The following CLVS1 variants were observed in gnomAD, a reference collection of about 807,000 sequenced individuals.
CLVS1 encodes clavesin-1.
A neutral mutation model predicts 33.1 loss-of-function variants in CLVS1; 10 were observed. The observed-to-expected ratio is 0.30, with a 90% CI of 0.19 to 0.51. CLVS1 has a LOEUF of 0.51. CLVS1 is among the 20% of genes least tolerant of loss of function. The probability of loss-of-function intolerance (pLI) is 0.97; values close to 1 mark genes in which losing one functional copy is unlikely to be tolerated. For synonymous variants in CLVS1, 163 were observed against 166.1 expected, an observed-to-expected ratio of 0.98 and a Z score of 0.14; for missense variants, 343 against 433.4, an observed-to-expected ratio of 0.79 and a Z score of 1.85.
chr8:61,493,390 T>G (rs982643771), intron 5 of CLVS1, among the ~76,000 whole-genome samples: 6 of 152,196 alleles, frequency 3.9e-5, no homozygotes, highest in Non-Finnish European at 8.8e-5. Flanking sequence ...AGAAGAATAA[T>G]AAGAGCTAAA....
At chr8:61,376,811 T>C (rs202049599) in intron 3 of CLVS1, 32 bp downstream of exon 3, 2 of 1,546,828 alleles carry the variant, frequency 1.3e-6, no homozygotes, top group Non-Finnish European at 1.8e-6. Context: ...TACAAGACCA[T>C]GTGTGGCAAC....
chr8:61,377,121 G>A (rs1241045684), intron 3 of CLVS1: 3 of 186,062 alleles, frequency 1.6e-5, no homozygotes, highest in Non-Finnish European at 3.3e-5. Context: ...TACAGGGGTG[G>A]CATGGGGCTT....
chr8:60,993,708 G>T, the CLVS1 span, among the ~76,000 whole-genome samples: 1 of 152,286 alleles, frequency 6.6e-6, no homozygotes, highest in East Asian at 1.9e-4. Context: ...ATTGCACAGC[G>T]GCTAGCACCG....
At chr8:61,184,459 C>A (rs912613366) in intron 2 of CLVS1, among the ~76,000 whole-genome samples, 6 of 152,194 alleles carry the variant, frequency 3.9e-5, no homozygotes, top group Non-Finnish European at 7.3e-5. Flanking sequence ...CACAGTAGAT[C>A]CTCTGAAATG....
At chr8:61,282,159 AAAT>A (rs1809682868) in intron 2 of CLVS1, among the ~76,000 whole-genome samples, 1 of 152,232 alleles carries the variant, frequency 6.6e-6, no homozygotes, top group South Asian at 2.1e-4. Context: ...GATAATGACT[AAAT>A]AAACCAAACA....
intron 5 of CLVS1, among the ~76,000 whole-genome samples, chr8:61,480,347 T>G (rs1469748191): frequency 6.6e-6 from 1 of 152,212 alleles, no homozygotes; most frequent in Non-Finnish European, 1.5e-5. Flanking sequence ...GTGCTAGCAA[T>G]GAGCAAGGCT....
chr8:61,112,808 T>A (rs17830578), intron 1 of CLVS1, among the ~76,000 whole-genome samples: 2 of 152,002 alleles, frequency 1.3e-5, no homozygotes, highest in African/African-American at 4.8e-5. Flanking sequence ...CCTTTTTTTT[T>A]AGTCTGTAAA....
At chr8:61,192,777 C>A (rs1224404300) in intron 2 of CLVS1, among the ~76,000 whole-genome samples, 3 of 152,176 alleles carry the variant, frequency 2.0e-5, no homozygotes, top group Non-Finnish European at 4.4e-5. Context: ...AAATGCTCAT[C>A]ATCACTGGCC....
chr8:61,073,406 G>T (rs551364251), intron 1 of CLVS1, among the ~76,000 whole-genome samples: 1 of 152,182 alleles, frequency 6.6e-6, no homozygotes, highest in East Asian at 1.9e-4. Flanking sequence ...CATTTTAAAC[G>T]CATGGAGATA....
At chr8:61,028,151 G>A in the CLVS1 span, among the ~76,000 whole-genome samples, 5 of 152,202 alleles carry the variant, frequency 3.3e-5, no homozygotes, top group African/African-American at 9.7e-5. Context: ...CTGAGGTATT[G>A]ATTAGACAAA....
chr8:61,340,029 AGAAAGAAAAAAGGAAG>A (rs1284373670), intron 2 of CLVS1, among the ~76,000 whole-genome samples: 6 of 151,706 alleles, frequency 4.0e-5, no homozygotes, highest in Non-Finnish European at 8.8e-5. Flanking sequence ...AGAAAGGAAA[AGAAAGAAAAAAGGAAG>A]GAAAGAAAAA....
chr8:61,375,616 G>T (rs1813612301), intron 2 of CLVS1, among the ~76,000 whole-genome samples: 1 of 152,072 alleles, frequency 6.6e-6, no homozygotes, highest in Non-Finnish European at 1.5e-5. Flanking sequence ...AACCAGATTG[G>T]AATGCTCAAG....
chr8:60,972,370 T>C, the CLVS1 span, among the ~76,000 whole-genome samples: 1 of 152,180 alleles, frequency 6.6e-6, no homozygotes, highest in African/African-American at 2.4e-5. Context: ...TAGTGCATAG[T>C]TTAAGTAATA....
intron 2 of CLVS1, among the ~76,000 whole-genome samples, chr8:61,308,813 G>C (rs753980954): frequency 6.6e-6 from 1 of 152,142 alleles, no homozygotes; most frequent in African/African-American, 2.4e-5. Context: ...TTGTACATGG[G>C]TACTATGTAA....
intron 1 of CLVS1, among the ~76,000 whole-genome samples, chr8:61,110,120 C>G (rs1225285809): frequency 6.6e-6 from 1 of 152,172 alleles, no homozygotes; most frequent in Admixed American, 6.5e-5. Flanking sequence ...CTATTGAGGC[C>G]TTGGCTGAAT....
At chr8:61,238,724 C>A (rs1278202530) in intron 2 of CLVS1, among the ~76,000 whole-genome samples, 2 of 152,114 alleles carry the variant, frequency 1.3e-5, no homozygotes, top group Non-Finnish European at 2.9e-5. Flanking sequence ...TTACTGTGTG[C>A]AATTTTTCGT....
intron 3 of CLVS1, among the ~76,000 whole-genome samples, chr8:61,429,169 C>T (rs987714586): frequency 6.6e-6 from 1 of 152,054 alleles, no homozygotes; most frequent in African/African-American, 2.4e-5. Flanking sequence ...TGCCTGTAAT[C>T]CCAGCACTTT....
intron 2 of CLVS1, among the ~76,000 whole-genome samples, chr8:61,255,970 A>G (rs1585726654): frequency 2.0e-5 from 3 of 152,300 alleles, no homozygotes; most frequent in Middle Eastern, 6.8e-3. Context: ...TATATATAAC[A>G]TAAGATTTAC....
chr8:61,465,927 T>A (rs993384446), intron 5 of CLVS1: 3 of 152,258 alleles, frequency 2.0e-5, no homozygotes, highest in African/African-American at 4.8e-5. Flanking sequence ...TCTCCCAAAG[T>A]GCTGGGATTA....
Sources: allele counts gnomAD v4.1 joint callset (sites outside exome capture counted in the v4.1 genomes callset), GRCh38; gene constraint gnomAD v4.1.1; transcripts MANE v1.5; gene names NCBI Gene and HGNC (gene_info 2026-07-23, HGNC 2026-07-21).